Variants in ASAP1 observed in about 807,000 individuals in gnomAD.
ASAP1 encodes the protein arf-GAP with SH3 domain, ANK repeat and PH domain-containing protein 1.
A neutral mutation model predicts 145.2 loss-of-function variants in ASAP1; 43 were observed. The ratio of observed to expected loss-of-function variants is 0.30; its 90% confidence interval spans 0.23 to 0.38. ASAP1 has a LOEUF of 0.38. Among genes scored for constraint, ASAP1 ranks in the 10% least tolerant of loss-of-function variants. The pLI is 1.00. For synonymous variants in ASAP1, 546 were observed against 515.5 expected (o/e 1.06, Z -0.80); for missense variants, 1,018 against 1,355.3 (o/e 0.75, Z 3.91).
intron 3 of ASAP1, among the ~76,000 whole-genome samples, chr8:130,251,345 G>C (rs1021298859): frequency 3.3e-5 from 5 of 152,142 alleles, no homozygotes; most frequent in African/African-American, 7.2e-5. Context: ...TTGAACCTGG[G>C]GGGAGGAGGC....
chr8:130,062,984 A>T (rs1025577225), intron 27 of ASAP1, among the ~76,000 whole-genome samples: 12 of 152,146 alleles, frequency 7.9e-5, no homozygotes, highest in Non-Finnish European at 1.3e-4. Context: ...ATAAACCAAC[A>T]AACAACAATG....
Position 130,425,576 on chromosome 8 carries a change from G to T in ASAP1, c.-28+17884C>A, listed in dbSNP as rs149564841. Among the ~76,000 whole-genome samples, 824 of 152,244 alleles carry T rather than the reference G, an allele frequency of 5.4e-3. 4 individuals carry two copies. Among genetic ancestry groups the T allele is most frequent in the Middle Eastern group, 0.024 (7 of 294 alleles). ...CATGAAGCTCATGGACCAGCAGAGG[G>T]AACAGACAGACAATGAAAGATCAGA... On this transcript the variant is annotated intron_variant, in intron 1 of 29. Transcript: ENST00000518721.
At chr8:130,361,715 T>C in intron 2 of ASAP1, 1 of 1,535,880 alleles carries the variant, frequency 6.5e-7, no homozygotes, top group African/African-American at 1.4e-5. Context: ...CATGCCTCAG[T>C]GAAAACCATC....
intron 2 of ASAP1, among the ~76,000 whole-genome samples, chr8:130,390,326 T>C (rs1475866257): frequency 2.6e-5 from 4 of 152,208 alleles, no homozygotes; most frequent in African/African-American, 9.6e-5. Flanking sequence ...ATATTTCCAT[T>C]TCATAGAAAG....
At chr8:130,382,155 A>G (rs540546307) in intron 2 of ASAP1, among the ~76,000 whole-genome samples, 7 of 151,916 alleles carry the variant, frequency 4.6e-5, no homozygotes, top group South Asian at 4.2e-4. Context: ...GCGTGGTGGC[A>G]GGCGCCTGTA....
intron 5 of ASAP1, among the ~76,000 whole-genome samples, chr8:130,204,344 G>T (rs1816068201): frequency 6.6e-6 from 1 of 152,192 alleles, no homozygotes; most frequent in Non-Finnish European, 1.5e-5. Context: ...TGCCAAAAAG[G>T]TTGGGGACCG....
rs1407061266 is a variant in ASAP1, at chr8:130,358,807, C to T, written c.60-664G>A. 1.3e-5 allele frequency among the ~76,000 whole-genome samples: 2 copies of T among 150,616 alleles called. No individual in the cohort carries two copies. Among genetic ancestry groups the T allele is most frequent in the African/African-American group, 2.4e-5 (1 of 41,070 alleles). On this transcript the variant is annotated intron_variant, in intron 2 of 29. Transcript: ENST00000518721. This position sits in a 1 kb window ranked among gnomAD's most constrained non-coding sequence, Gnocchi z 4.1. ...GGCCTGGCTCCGAAGCTGCCGCTCCCGACCCCGGCTGCGCGGCACGGGGGC... is the reference window on the plus strand; with the variant it reads ...GGCCTGGCTCCGAAGCTGCCGCTCCTGACCCCGGCTGCGCGGCACGGGGGC...
intron 4 of ASAP1, among the ~76,000 whole-genome samples, chr8:130,220,134 A>G (rs575125423): frequency 6.6e-6 from 1 of 152,320 alleles, no homozygotes; most frequent in South Asian, 2.1e-4. Flanking sequence ...CAGTTCAAAC[A>G]AGAATGAAAT....
chr8:130,261,103 A>G (rs1397983274), intron 3 of ASAP1, among the ~76,000 whole-genome samples: 1 of 152,174 alleles, frequency 6.6e-6, no homozygotes, highest in Non-Finnish European at 1.5e-5. Context: ...CATGCCAGTG[A>G]GACTGTGAAA....
At chr8:130,400,903 G>A (rs1217027153) in intron 2 of ASAP1, among the ~76,000 whole-genome samples, 3 of 151,784 alleles carry the variant, frequency 2.0e-5, no homozygotes, top group South Asian at 4.1e-4. Flanking sequence ...TTTCTGAGAC[G>A]AAGTCTCATT....
intron 2 of ASAP1, among the ~76,000 whole-genome samples, chr8:130,368,927 T>C (rs777783890): frequency 8.5e-5 from 13 of 152,200 alleles, no homozygotes; most frequent in African/African-American, 2.9e-4. Flanking sequence ...CTACCACTAA[T>C]ACTAAAAAAG....
chr8:130,439,186 A>G, intron 1 of ASAP1, among the ~76,000 whole-genome samples: 1 of 152,182 alleles, frequency 6.6e-6, no homozygotes, highest in Middle Eastern at 3.2e-3. Flanking sequence ...TGGAGGTGGA[A>G]GAAGGAAACC....
chr8:130,179,391 TG>T, intron 8 of ASAP1, 42 bp from the exon 9 acceptor site: 1 of 1,280,904 alleles, frequency 7.8e-7, no homozygotes, highest in Non-Finnish European at 1.1e-6. Context: ...TAATTCCAGA[TG>T]GGGCTCTTCA....
At chr8:130,180,403 TA>T (rs1210027117) in intron 8 of ASAP1, among the ~76,000 whole-genome samples, 2 of 152,270 alleles carry the variant, frequency 1.3e-5, no homozygotes, top group East Asian at 1.9e-4. Context: ...GACATATGGT[TA>T]AAAAAACATG....
intron 3 of ASAP1, among the ~76,000 whole-genome samples, chr8:130,330,679 T>C (rs1824629981): frequency 6.6e-6 from 1 of 152,240 alleles, no homozygotes; most frequent in Non-Finnish European, 1.5e-5. Flanking sequence ...AGCTTTACGA[T>C]GGATCATTGT....
intron 4 of ASAP1, among the ~76,000 whole-genome samples, chr8:130,217,643 A>G (rs113336038): frequency 0.017 from 2,517 of 152,174 alleles, 69 homozygotes; most frequent in African/African-American, 0.056. Context: ...ACACTGCTGT[A>G]GTTCTTTCAG....
At chr8:130,131,692 C>T (rs1018403699) in intron 15 of ASAP1, among the ~76,000 whole-genome samples, 1 of 150,902 alleles carries the variant, frequency 6.6e-6, no homozygotes, top group Admixed American at 6.6e-5. Flanking sequence ...TGCAAGGCTG[C>T]GACAGGAGGA....
At chr8:130,420,077 C>T (rs1829654525) in intron 1 of ASAP1, among the ~76,000 whole-genome samples, 1 of 152,118 alleles carries the variant, frequency 6.6e-6, no homozygotes, top group South Asian at 2.1e-4. Flanking sequence ...AGGTGTGAGC[C>T]ACCACGCCCA....
At chr8:130,353,204 C>CAGTATTA (rs1826101593) in intron 3 of ASAP1, among the ~76,000 whole-genome samples, 1 of 152,166 alleles carries the variant, frequency 6.6e-6, no homozygotes, top group Non-Finnish European at 1.5e-5. Context: ...ATAATACAAT[C>CAGTATTA]TGGATAACCC....
Sources: gnomAD v4.1 joint callset for allele counts (sites outside exome capture counted in the v4.1 genomes callset) on GRCh38, gnomAD v4.1.1 for gene constraint, Gnocchi (gnomAD v3.1) non-coding constraint, MANE v1.5 for transcripts, NCBI Gene and HGNC (gene_info 2026-07-23, HGNC 2026-07-21) for gene names.